Variants in MSRA observed in about 807,000 individuals in gnomAD.
MSRA encodes the protein methionine sulfoxide reductase A, also known as mitochondrial peptide methionine sulfoxide reductase.
In MSRA, 54 loss-of-function variants were observed where a neutral mutation model predicts 31.3. The ratio of observed to expected loss-of-function variants is 1.73; its 90% CI spans 1.39 to 2.17. MSRA has a LOEUF of 2.17. Among genes scored for constraint, MSRA ranks in the 30% most tolerant of loss-of-function variants. The pLI is 0.00. For missense variants in MSRA, 507 were observed against 300.9 expected (o/e 1.69, Z -5.07); for synonymous variants, 169 against 116.5 (o/e 1.45, Z -2.90).
intron 1 of MSRA, among the ~76,000 whole-genome samples, chr8:10,090,928 A>G (rs530061876): frequency 1.3e-5 from 2 of 152,336 alleles, no homozygotes; most frequent in East Asian, 3.9e-4. Flanking sequence ...GTATCCGTTC[A>G]TCAGCTGCTG....
At position 10,151,635 on chromosome 8, in the gene MSRA, G is replaced by A. The variant is rs371147509; in HGVS notation, c.143-56198G>A. ...ACTGCACTCCAGCCTGGGCGACAGA[G>A]TGAGACTGTGTCTCAAAAACAAAAC... On this transcript the variant is annotated intron_variant, in intron 1 of 5. Transcript: ENST00000317173. Among the ~76,000 whole-genome samples, 394 of 152,318 alleles carry A rather than the reference G, an allele frequency of 2.6e-3. 1 individual carries two copies. The highest frequency in any genetic ancestry group is 4.5e-3 in the Non-Finnish European group (305 of 68,032).
chr8:10,124,354 G>A (rs1801341911), intron 1 of MSRA, among the ~76,000 whole-genome samples: 1 of 152,202 alleles, frequency 6.6e-6, no homozygotes, highest in Non-Finnish European at 1.5e-5. Context: ...CCTAAGGAGA[G>A]GGGAATGGTG....
intron 1 of MSRA, among the ~76,000 whole-genome samples, chr8:10,169,015 T>C (rs1805377886): frequency 6.6e-6 from 1 of 152,186 alleles, no homozygotes; most frequent in Admixed American, 6.5e-5. Flanking sequence ...GAGGGGAATG[T>C]TATAAGTACT....
chr8:10,395,304 A>G (rs920533755), intron 5 of MSRA, among the ~76,000 whole-genome samples: 1 of 152,162 alleles, frequency 6.6e-6, no homozygotes, highest in East Asian at 1.9e-4. Flanking sequence ...AGGGAGAGGC[A>G]ATGCCTTATA....
intron 1 of MSRA, among the ~76,000 whole-genome samples, chr8:10,065,585 A>C (rs1471580511): frequency 6.6e-6 from 1 of 152,218 alleles, no homozygotes; most frequent in African/African-American, 2.4e-5. Flanking sequence ...CAAGTGTAAG[A>C]TATGAACCAA....
chr8:10,351,411 G>T (rs184631314), intron 5 of MSRA, among the ~76,000 whole-genome samples: 2 of 151,902 alleles, frequency 1.3e-5, no homozygotes, highest in Non-Finnish European at 2.9e-5. Context: ...GCGCCACCAC[G>T]CCTAGCTAAT....
intron 3 of MSRA, among the ~76,000 whole-genome samples, chr8:10,254,554 C>G (rs1266687848): frequency 6.6e-6 from 1 of 152,218 alleles, no homozygotes; most frequent in Non-Finnish European, 1.5e-5. Context: ...ACAACTCATT[C>G]TACCTACTAA....
intron 1 of MSRA, among the ~76,000 whole-genome samples, chr8:10,130,289 C>A (rs1051248059): frequency 6.6e-6 from 1 of 152,224 alleles, no homozygotes; most frequent in African/African-American, 2.4e-5. Flanking sequence ...TTCTATCATA[C>A]AGGATAACAA....
In MSRA at chr8:10,168,203, A is replaced by G. The variant is rs934522608; in HGVS notation, c.143-39630A>G. Among the ~76,000 whole-genome samples, 3 of 152,330 alleles carry G rather than the reference A, an allele frequency of 2.0e-5. No homozygotes were observed. The East Asian group carries it at 5.8e-4, about 29-fold the overall frequency. ...ATATCAAGTGTGTTAATACATGTAA[A>G]ATCATTAATACAGCATCAGGCACAT... is the stretch of plus-strand genomic sequence containing the variant. On this transcript the variant is annotated intron_variant, in intron 1 of 5. Transcript: ENST00000317173.
chr8:10,099,100 T>A (rs1429093630), intron 1 of MSRA, among the ~76,000 whole-genome samples: 1 of 150,590 alleles, frequency 6.6e-6, no homozygotes, highest in African/African-American at 2.5e-5. Flanking sequence ...TGTGTGTGTA[T>A]GTTTGTGAGT....
At position 10,155,002 on chromosome 8, in the gene MSRA, T is replaced by TATATATATATATATATA. The variant is rs1554468813; in HGVS notation, c.143-52831_143-52830insATATATATATATATATA. 2.6e-4 allele frequency among the ~76,000 whole-genome samples: 32 copies of TATATATATATATATATA among 123,988 alleles called. 2 individuals carry two copies. The highest frequency in any genetic ancestry group is 2.5e-3 in the East Asian group (7 of 2,832). The allele number at this position is 123,988 out of a possible 152,430, so 81.3% of individuals were successfully genotyped here. A position where few individuals can be genotyped will look rare whatever the true frequency, so the allele number is the denominator to read the frequency against. ...AATAGTTTGATAATGTGTATATATT[T>TATATATATATATATATA]TATATATATATAGGTTTTACCTTGC... On this transcript the variant is annotated intron_variant, in intron 1 of 5. Coordinates refer to ENST00000317173, the MANE Select transcript of MSRA (RefSeq NM_012331.5).
intron 5 of MSRA, among the ~76,000 whole-genome samples, chr8:10,345,915 ATTTAGT>A (rs1355239741): frequency 1.3e-5 from 2 of 152,158 alleles, no homozygotes; most frequent in African/African-American, 4.8e-5. Context: ...AACCTACTTT[ATTTAGT>A]TTAATCTCCT....
At chr8:10,118,215 A>G (rs1470962112) in intron 1 of MSRA, among the ~76,000 whole-genome samples, 3 of 152,174 alleles carry the variant, frequency 2.0e-5, no homozygotes, top group Non-Finnish European at 4.4e-5. Flanking sequence ...CTTGGCAGCT[A>G]TAATCAGTCA....
intron 5 of MSRA, among the ~76,000 whole-genome samples, chr8:10,406,259 G>A (rs908981840): frequency 1.3e-5 from 2 of 152,240 alleles, no homozygotes; most frequent in Admixed American, 6.5e-5. Context: ...ACGGCAGCTT[G>A]TGGGCTGTGT....
At chr8:10,187,501 C>A (rs1441735527) in intron 1 of MSRA, among the ~76,000 whole-genome samples, 1 of 152,182 alleles carries the variant, frequency 6.6e-6, no homozygotes, top group African/African-American at 2.4e-5. Context: ...GCCTGACTTA[C>A]ACAACCACCC....
At chr8:10,064,960 C>A (rs918886860) in intron 1 of MSRA, among the ~76,000 whole-genome samples, 5 of 152,112 alleles carry the variant, frequency 3.3e-5, no homozygotes, top group African/African-American at 1.2e-4. Flanking sequence ...CTGTTGTTAG[C>A]AGTTGAAAAC....
intron 5 of MSRA, among the ~76,000 whole-genome samples, chr8:10,359,723 G>GTCTCAGATGGAGGACGA (rs1217962145): frequency 1.8e-4 from 27 of 152,016 alleles, no homozygotes; most frequent in Admixed American, 7.2e-4. Context: ...ATGGAGGATG[G>GTCTCAGATGGAGGACGA]TCTCAGATGG....
chr8:10,285,643 C>T (rs1007805684), intron 3 of MSRA, among the ~76,000 whole-genome samples: 9 of 151,890 alleles, frequency 5.9e-5, no homozygotes, highest in African/African-American at 2.2e-4. Context: ...TCCCTATATC[C>T]CCTTCCCCCC....
chr8:10,135,176 T>A (rs950870819), intron 1 of MSRA, among the ~76,000 whole-genome samples: 1 of 152,246 alleles, frequency 6.6e-6, no homozygotes, highest in Non-Finnish European at 1.5e-5. Flanking sequence ...TTTATTTCTT[T>A]GTAAAAAGTC....
Sources: gnomAD v4.1 joint callset for allele counts (sites outside exome capture counted in the v4.1 genomes callset) on GRCh38, gnomAD v4.1.1 for gene constraint, MANE v1.5 for transcripts, NCBI Gene and HGNC (gene_info 2026-07-23, HGNC 2026-07-21) for gene names.